CACNA1C: variants seen among roughly 807,000 people sequenced by gnomAD.
CACNA1C encodes the protein voltage-dependent L-type calcium channel subunit alpha-1C.
CACNA1C carries 30 observed loss-of-function variants against 229.0 expected under a neutral mutation model. The ratio of observed to expected loss-of-function variants is 0.13; its 90% CI spans 0.10 to 0.18. The LOEUF is 0.18. Ranked by LOEUF, CACNA1C falls within the 10% of genes least tolerant of loss-of-function variation. CACNA1C has a pLI of 1.00. For synonymous variants in CACNA1C, 1,114 were observed against 1,132.5 expected, an observed-to-expected ratio of 0.98 and a Z score of 0.33; for missense variants, 1,658 against 2,845.0, an observed-to-expected ratio of 0.58 and a Z score of 9.49.
intron 1 of CACNA1C, among the ~76,000 whole-genome samples, chr12:2,093,886 C>T (rs1192930890): frequency 1.3e-5 from 2 of 152,204 alleles, no homozygotes; most frequent in African/African-American, 4.8e-5. Context: ...TATGTTGAGG[C>T]CATCTGTGTT....
intron 3 of CACNA1C, among the ~76,000 whole-genome samples, chr12:2,364,192 T>C (rs2238079): frequency 0.32 from 48,412 of 152,192 alleles, 8,925 homozygotes; most frequent in Non-Finnish European, 0.43. Flanking sequence ...CTCTTTTTTT[T>C]CTCCATTATT....
chr12:2,025,937 G>C (rs1593952653), intron 1 of CACNA1C, among the ~76,000 whole-genome samples: 1 of 133,834 alleles, frequency 7.5e-6, no homozygotes, highest in South Asian at 3.7e-4. Flanking sequence ...GGGTAACCAA[G>C]GGGGGAAGAC....
intron 3 of CACNA1C, among the ~76,000 whole-genome samples, chr12:2,149,839 C>G (rs934470609): frequency 2.6e-5 from 4 of 152,162 alleles, no homozygotes; most frequent in African/African-American, 9.7e-5. Context: ...GACCTGGGGC[C>G]CAGGCTGAAG....
At position 2,602,469 on chromosome 12, in the gene CACNA1C, G is replaced by T. The variant is rs1185006199; in HGVS notation, c.2960+509G>T. ...GCACGTGTGTGGATGTGTGGGGTGT[G>T]TGTATATGTGGATGTGTGTTTGTGG... On this transcript the variant is annotated intron_variant, in intron 22 of 46. Transcript: ENST00000399655. The surrounding 1 kb of genome is among the most constrained non-coding windows in gnomAD (Gnocchi z 4.4). Among the ~76,000 whole-genome samples the T allele has an allele frequency of 6.6e-6, 1 of 152,008 alleles. No homozygotes were observed. The highest frequency in any genetic ancestry group is 1.5e-5 in the Non-Finnish European group (1 of 67,976).
chr12:1,998,823 C>A (rs1393818439), intron 1 of CACNA1C, among the ~76,000 whole-genome samples: 1 of 152,156 alleles, frequency 6.6e-6, no homozygotes, highest in Non-Finnish European at 1.5e-5. Context: ...TGTACTTTTG[C>A]AATTTACATG....
At chr12:2,509,118 C>G (rs2099777974) in intron 8 of CACNA1C, among the ~76,000 whole-genome samples, 1 of 152,196 alleles carries the variant, frequency 6.6e-6, no homozygotes, top group Non-Finnish European at 1.5e-5. Flanking sequence ...ATCCCTTTTC[C>G]CACTGGGAGA....
chr12:2,305,401 C>T (rs2094933111), intron 3 of CACNA1C, among the ~76,000 whole-genome samples: 1 of 152,226 alleles, frequency 6.6e-6, no homozygotes, highest in Non-Finnish European at 1.5e-5. Flanking sequence ...GCCTGGTGCT[C>T]CTTCCCCTGG....
chr12:2,312,494 C>T (rs892712802), intron 3 of CACNA1C, among the ~76,000 whole-genome samples: 4 of 152,188 alleles, frequency 2.6e-5, no homozygotes, highest in Admixed American at 2.6e-4. Context: ...AATTCCATTC[C>T]AACAGCATTA....
In CACNA1C at chr12:2,621,428, C is replaced by A. The variant is rs139689213; in HGVS notation, c.3828+9415C>A. Among the ~76,000 whole-genome samples, 3 of 152,138 alleles carry A rather than the reference C, an allele frequency of 2.0e-5. No individual in the cohort carries two copies. The South Asian group carries it at 6.2e-4, about 32-fold the overall frequency. Reference sequence around the variant, plus strand: ...AGCTCGCTCTGGAAACTGAGAGTGGCGCGTGAAAAGGACTGTGCCAGAGCG... The same window carrying A: ...AGCTCGCTCTGGAAACTGAGAGTGGAGCGTGAAAAGGACTGTGCCAGAGCG... On this transcript the variant is annotated intron_variant, in intron 29 of 46. Coordinates refer to ENST00000399655, the MANE Select transcript of CACNA1C (RefSeq NM_000719.7).
At chr12:1,989,944 T>C (rs1283760158) in intron 1 of CACNA1C, among the ~76,000 whole-genome samples, 1 of 152,248 alleles carries the variant, frequency 6.6e-6, no homozygotes, top group Non-Finnish European at 1.5e-5. Flanking sequence ...AACTGATATA[T>C]GCTTGAATCT....
chr12:2,509,831 G>T (rs1184915944), intron 8 of CACNA1C, among the ~76,000 whole-genome samples: 3 of 152,192 alleles, frequency 2.0e-5, no homozygotes, highest in Admixed American at 2.0e-4. Flanking sequence ...GCCTCAGCGG[G>T]AACATGTAGA....
chr12:2,506,218 G>GT (rs1298421243), intron 8 of CACNA1C, among the ~76,000 whole-genome samples: 1 of 152,134 alleles, frequency 6.6e-6, no homozygotes, highest in Non-Finnish European at 1.5e-5. Flanking sequence ...GCAGAACAAC[G>GT]TAAGTCCCTG....
intron 1 of CACNA1C, among the ~76,000 whole-genome samples, chr12:2,098,328 T>C (rs1459003272): frequency 6.6e-6 from 1 of 152,228 alleles, no homozygotes; most frequent in Non-Finnish European, 1.5e-5. Flanking sequence ...GCATTGTATT[T>C]TATACAAAGC....
chr12:2,289,168 A>G (rs776166113), intron 3 of CACNA1C, among the ~76,000 whole-genome samples: 4 of 152,096 alleles, frequency 2.6e-5, no homozygotes, highest in Non-Finnish European at 5.9e-5. Flanking sequence ...TCTCTCCTGC[A>G]GTGTCAGGGG....
At chr12:2,209,195 A>G (rs1459913155) in intron 3 of CACNA1C, among the ~76,000 whole-genome samples, 1 of 152,218 alleles carries the variant, frequency 6.6e-6, no homozygotes, top group Non-Finnish European at 1.5e-5. Flanking sequence ...TTGGTTTTGG[A>G]TGAGGTATGT....
At chr12:2,080,621 A>AAAAAC (rs1437216522) in intron 1 of CACNA1C, among the ~76,000 whole-genome samples, 1 of 152,040 alleles carries the variant, frequency 6.6e-6, no homozygotes, top group Non-Finnish European at 1.5e-5. Flanking sequence ...ACAAAAAACA[A>AAAAAC]AGAGATAAAG....
intron 3 of CACNA1C, among the ~76,000 whole-genome samples, chr12:2,360,562 G>A (rs997708251): frequency 6.6e-6 from 1 of 152,180 alleles, no homozygotes; most frequent in Non-Finnish European, 1.5e-5. Context: ...GTTTTCCAAC[G>A]GGTCCCTCAG....
chr12:2,498,245 C>T (rs1352552453), intron 7 of CACNA1C, among the ~76,000 whole-genome samples: 1 of 152,142 alleles, frequency 6.6e-6, no homozygotes, highest in East Asian at 1.9e-4. Flanking sequence ...CCTCAAGTAA[C>T]CCAGAAACAG....
rs569732013 is a variant in CACNA1C, at chr12:2,317,195, G to T, written c.478-131781G>T. Among the ~76,000 whole-genome samples, 4 of 152,320 alleles carry T rather than the reference G, an allele frequency of 2.6e-5. No individual in the cohort carries two copies. In the East Asian group the frequency reaches 5.8e-4, roughly 22 times the overall value. On this transcript the variant is annotated intron_variant, in intron 3 of 46. Transcript: ENST00000399655. ...AAAGAATTGAAAGCAGGGCCTCAAA[G>T]AGATATTCGCACACCCATGTTCGTG...
Sources: allele counts gnomAD v4.1 joint callset (sites outside exome capture counted in the v4.1 genomes callset), GRCh38; gene constraint gnomAD v4.1.1; non-coding constraint Gnocchi (gnomAD v3.1); transcripts MANE v1.5; gene names NCBI Gene and HGNC (gene_info 2026-07-23, HGNC 2026-07-21).